The following ALX4 variants were observed in gnomAD, a reference collection of about 807,000 sequenced individuals.
ALX4 encodes ALX homeobox 4.
ALX4 carries 22 observed loss-of-function variants against 40.6 expected under a neutral mutation model. That is an observed-to-expected ratio of 0.54 (90% CI 0.39 to 0.77). The LOEUF (loss-of-function observed/expected upper bound fraction) is 0.77. ALX4 is among the 30% of genes least tolerant of loss of function. ALX4 has a pLI of 0.00. For synonymous variants in ALX4, 266 were observed against 240.5 expected, an observed-to-expected ratio of 1.11 and a Z score of -0.98; for missense variants, 556 against 564.8, an observed-to-expected ratio of 0.98 and a Z score of 0.16.
chr11:44,289,153 G>A (rs1257460415), intron 1 of ALX4, among the ~76,000 whole-genome samples: 1 of 152,160 alleles, frequency 6.6e-6, no homozygotes, highest in African/African-American at 2.4e-5. Flanking sequence ...GTCAATTTTG[G>A]TTGAAAAGGT....
At chr11:44,305,683 G>A (rs964199379) in intron 1 of ALX4, among the ~76,000 whole-genome samples, 1 of 152,376 alleles carries the variant, frequency 6.6e-6, no homozygotes, top group East Asian at 1.9e-4. Context: ...TAACCACTGA[G>A]TCTAATTCGA....
At chr11:44,300,291 G>T (rs1956427712) in intron 1 of ALX4, among the ~76,000 whole-genome samples, 1 of 152,196 alleles carries the variant, frequency 6.6e-6, no homozygotes, top group Non-Finnish European at 1.5e-5. Context: ...GAGATGGGGA[G>T]GCTGAGGCCA....
chr11:44,266,590 G>A (rs1247641028), intron 3 of ALX4, among the ~76,000 whole-genome samples: 4 of 152,182 alleles, frequency 2.6e-5, no homozygotes, highest in Admixed American at 1.3e-4. Flanking sequence ...AGGCAGGGGC[G>A]CCCGTGCTAC....
At position 44,264,787 on chromosome 11, in the gene ALX4, TG is replaced by T; in HGVS notation, c.*66del. The T allele has an allele frequency of 2.6e-6, 4 of 1,565,616 alleles. No individual in the cohort carries two copies. The highest frequency in any genetic ancestry group is 2.3e-5 in the East Asian group (1 of 43,980). On this transcript the variant is annotated 3_prime_UTR_variant, in exon 4 of 4. Coordinates refer to ENST00000652299, the MANE Select transcript of ALX4 (RefSeq NM_021926.4). ...CTAAGAGGAAAGTCGAGTGGGAGGC[TG>T]GGGGCCTGGAAAACATGGGCGTGGC... is the stretch of plus-strand genomic sequence containing the variant.
chr11:44,285,863 C>T (rs567229216), intron 1 of ALX4, among the ~76,000 whole-genome samples: 219 of 152,332 alleles, frequency 1.4e-3, no homozygotes, highest in African/African-American at 5.0e-3. Context: ...GGCCTGCTCC[C>T]TCCCTAGACT....
chr11:44,287,242 T>C (rs973773137), intron 1 of ALX4, among the ~76,000 whole-genome samples: 1 of 152,150 alleles, frequency 6.6e-6, no homozygotes, highest in Non-Finnish European at 1.5e-5. Flanking sequence ...TGGAGTGGGC[T>C]TCCCAGAGTC....
At chr11:44,287,606 G>A (rs7107920) in intron 1 of ALX4, among the ~76,000 whole-genome samples, 18,884 of 140,394 alleles carry the variant, frequency 0.13, 1,527 homozygotes, top group African/African-American at 0.19. Flanking sequence ...AAAAAAAAAA[G>A]AAAAGAAAAG....
rs75652901 is a variant in ALX4 at position 44,296,355 on chromosome 11, A to G, written c.466+13242T>C. On this transcript the variant is annotated intron_variant, in intron 1 of 3. Transcript: ENST00000652299. ...AAGAGCTAAACTATAAAGCTCTTAAAAGAAGACATAGGCGAAAATCCTCCT... is the reference window on the plus strand; with the variant it reads ...AAGAGCTAAACTATAAAGCTCTTAAGAGAAGACATAGGCGAAAATCCTCCT... Among the ~76,000 whole-genome samples, 749 of 152,352 alleles carry G rather than the reference A, an allele frequency of 4.9e-3. 7 individuals are homozygous for G. Among genetic ancestry groups the G allele is most frequent in the African/African-American group, 0.017 (727 of 41,586 alleles).
chr11:44,308,164 A>G (rs886645301), intron 1 of ALX4, among the ~76,000 whole-genome samples: 2 of 152,208 alleles, frequency 1.3e-5, no homozygotes, highest in Admixed American at 1.3e-4. Flanking sequence ...TTCTTGGGGT[A>G]TGACCACATC....
intron 1 of ALX4, among the ~76,000 whole-genome samples, chr11:44,295,876 C>T (rs552358455): frequency 4.4e-4 from 67 of 152,338 alleles, no homozygotes; most frequent in African/African-American, 1.6e-3. Flanking sequence ...CAGAGGGGCC[C>T]CCGAATATCC....
chr11:44,267,667 C>G (rs775524684), intron 2 of ALX4, 45 bp from the exon 3 acceptor site: 4 of 1,613,202 alleles, frequency 2.5e-6, no homozygotes, highest in Non-Finnish European at 3.4e-6. Context: ...GAGATGCCCG[C>G]CTGGAGGCCT....
intron 1 of ALX4, among the ~76,000 whole-genome samples, chr11:44,306,277 G>C (rs1045811311): frequency 6.6e-6 from 1 of 152,238 alleles, no homozygotes; most frequent in Non-Finnish European, 1.5e-5. Flanking sequence ...GTTGGGGTAG[G>C]GACGCTTGCA....
At chr11:44,301,215 A>G (rs1486705709) in intron 1 of ALX4, among the ~76,000 whole-genome samples, 1 of 152,246 alleles carries the variant, frequency 6.6e-6, no homozygotes, top group Non-Finnish European at 1.5e-5. Flanking sequence ...GATGACTGCC[A>G]TCTCTTCCAA....
intron 1 of ALX4, among the ~76,000 whole-genome samples, chr11:44,298,454 A>G (rs773624750): frequency 1.3e-5 from 2 of 152,130 alleles, no homozygotes; most frequent in African/African-American, 2.4e-5. Context: ...GGATGAGTGA[A>G]TGGGGGACTA....
intron 1 of ALX4, among the ~76,000 whole-genome samples, chr11:44,280,436 A>T (rs865962452): frequency 2.0e-5 from 3 of 152,182 alleles, no homozygotes; most frequent in Non-Finnish European, 4.4e-5. Flanking sequence ...TCGTGCTGGC[A>T]TAAGGCTGAG....
intron 1 of ALX4, among the ~76,000 whole-genome samples, chr11:44,288,603 A>G (rs968912272): frequency 2.6e-5 from 4 of 152,114 alleles, no homozygotes; most frequent in South Asian, 2.1e-4. Context: ...TGCAATAAAA[A>G]TCACAAGACA....
At chr11:44,306,214 G>A (rs1459811121) in intron 1 of ALX4, among the ~76,000 whole-genome samples, 1 of 152,238 alleles carries the variant, frequency 6.6e-6, no homozygotes, top group African/African-American at 2.4e-5. Flanking sequence ...AGGACACTGC[G>A]GAGCCGCCTT....
At chr11:44,271,353 G>A (rs188473075) in intron 2 of ALX4, among the ~76,000 whole-genome samples, 1 of 152,230 alleles carries the variant, frequency 6.6e-6, no homozygotes, top group Non-Finnish European at 1.5e-5. Flanking sequence ...TGCTGCTACT[G>A]AGTGGCTGCT....
rs1211281368 is a variant in ALX4, at chr11:44,293,170, A to AGGAAGGAAGGAG, written c.466+16426_466+16427insCTCCTTCCTTCC. Among the ~76,000 whole-genome samples, 37 of 20,602 alleles carry AGGAAGGAAGGAG rather than the reference A, an allele frequency of 1.8e-3. 4 individuals are homozygous for AGGAAGGAAGGAG. Among genetic ancestry groups the AGGAAGGAAGGAG allele is most frequent in the Admixed American group, 3.3e-3 (5 of 1,534 alleles). 13.5% of individuals were successfully genotyped at this position (20,602 alleles called of 152,430 possible). ...AAGGAAGGAAGGAAGGAAGGAAGGA[A>AGGAAGGAAGGAG]GCAGGCAGGCAGGGAGGGAGGGAGG... is the stretch of plus-strand genomic sequence containing the variant. On this transcript the variant is annotated intron_variant, in intron 1 of 3. Coordinates refer to ENST00000652299, the MANE Select transcript of ALX4 (RefSeq NM_021926.4).
Sources: gnomAD v4.1 joint callset for allele counts (sites outside exome capture counted in the v4.1 genomes callset) on GRCh38, gnomAD v4.1.1 for gene constraint, MANE v1.5 for transcripts, NCBI Gene and HGNC (gene_info 2026-07-23, HGNC 2026-07-21) for gene names.